The following TENM3 variants were observed in gnomAD, a reference collection of about 807,000 sequenced individuals.
The protein encoded by TENM3 is teneurin-3.
In TENM3, 63 loss-of-function variants were observed where a neutral mutation model predicts 255.1. The ratio of observed to expected loss-of-function variants is 0.25; its 90% CI spans 0.20 to 0.30. TENM3 has a LOEUF of 0.30. Among genes scored for constraint, TENM3 ranks in the 10% least tolerant of loss-of-function variants. The probability of loss-of-function intolerance (pLI) is 1.00; values close to 1 mark genes in which losing one functional copy is unlikely to be tolerated. For synonymous variants in TENM3, 1,306 were observed against 1,322.3 expected, an observed-to-expected ratio of 0.99 and a Z score of 0.27; for missense variants, 2,929 against 3,461.1, an observed-to-expected ratio of 0.85 and a Z score of 3.86.
At chr4:182,408,502 C>T (rs1769742920) in intron 3 of TENM3, among the ~76,000 whole-genome samples, 1 of 152,094 alleles carries the variant, frequency 6.6e-6, no homozygotes, top group Non-Finnish European at 1.5e-5. Flanking sequence ...ACAAAATGGG[C>T]CCCATCCCTG....
intron 1 of TENM3, among the ~76,000 whole-genome samples, chr4:182,279,010 C>A (rs928122800): frequency 1.3e-5 from 2 of 152,180 alleles, no homozygotes; most frequent in African/African-American, 4.8e-5. Flanking sequence ...CACACCAGGT[C>A]GGGGCAGGGG....
At chr4:181,767,417 A>G in the TENM3 span, among the ~76,000 whole-genome samples, 6 of 152,180 alleles carry the variant, frequency 3.9e-5, no homozygotes, top group Non-Finnish European at 8.8e-5. Context: ...TAAGGAATTT[A>G]TCATCAATCA....
intron 1 of TENM3, among the ~76,000 whole-genome samples, chr4:182,193,181 T>A (rs1024082516): frequency 3.3e-5 from 5 of 152,212 alleles, no homozygotes; most frequent in African/African-American, 1.2e-4. Flanking sequence ...TAGAAAAGTA[T>A]GTTTCATTGA....
the TENM3 span, among the ~76,000 whole-genome samples, chr4:182,037,635 T>A: frequency 6.6e-6 from 1 of 152,186 alleles, no homozygotes; most frequent in Admixed American, 6.5e-5. Flanking sequence ...TGAATTATGT[T>A]ATTTGTTTGT....
At chr4:182,471,627 CTGTG>C (rs35316767) in intron 3 of TENM3, among the ~76,000 whole-genome samples, 431 of 149,688 alleles carry the variant, frequency 2.9e-3, no homozygotes, top group Non-Finnish European at 4.1e-3. Flanking sequence ...GCACATGCCT[CTGTG>C]TGTGTGTGTG....
intron 1 of TENM3, among the ~76,000 whole-genome samples, chr4:182,164,996 G>A (rs568963058): frequency 1.3e-5 from 2 of 152,218 alleles, no homozygotes; most frequent in South Asian, 2.1e-4. Context: ...GAATCACCAG[G>A]GAGCTTGCAG....
At chr4:182,311,804 T>A (rs755554615) in intron 1 of TENM3, among the ~76,000 whole-genome samples, 3 of 152,212 alleles carry the variant, frequency 2.0e-5, no homozygotes, top group Non-Finnish European at 4.4e-5. Flanking sequence ...GAGCTCTTCA[T>A]TGAAGAAGCT....
chr4:182,743,090 T>C (rs1409991677), intron 18 of TENM3, 80 bp from the exon 19 acceptor site: 1 of 1,442,658 alleles, frequency 6.9e-7, no homozygotes, highest in African/African-American at 1.4e-5. Context: ...GAATTATAGT[T>C]AAAACAATCA....
At chr4:182,522,473 C>A (rs1318479086) in intron 3 of TENM3, among the ~76,000 whole-genome samples, 1 of 152,198 alleles carries the variant, frequency 6.6e-6, no homozygotes, top group African/African-American at 2.4e-5. Context: ...TCATTTCACA[C>A]AATGACCTCC....
At chr4:182,166,413 C>T (rs191670406) in intron 1 of TENM3, among the ~76,000 whole-genome samples, 2 of 152,290 alleles carry the variant, frequency 1.3e-5, no homozygotes, top group African/African-American at 4.8e-5. Context: ...GCACCTCAGT[C>T]ATGGCCATTC....
chr4:182,017,818 A>C, the TENM3 span, among the ~76,000 whole-genome samples: 1 of 152,216 alleles, frequency 6.6e-6, no homozygotes, highest in Non-Finnish European at 1.5e-5. Flanking sequence ...GCCCATGAAC[A>C]CATTCAGAGA....
At chr4:181,790,508 C>A in the TENM3 span, among the ~76,000 whole-genome samples, 1 of 151,962 alleles carries the variant, frequency 6.6e-6, no homozygotes, top group Admixed American at 6.6e-5. Context: ...GTCAAGAAGT[C>A]CAAGCTGCAA....
chr4:181,788,452 C>T, the TENM3 span, among the ~76,000 whole-genome samples: 1 of 152,098 alleles, frequency 6.6e-6, no homozygotes, highest in African/African-American at 2.4e-5. Flanking sequence ...AGATAGGTTC[C>T]CATTAATACT....
At chr4:181,775,363 A>G in the TENM3 span, among the ~76,000 whole-genome samples, 1 of 152,056 alleles carries the variant, frequency 6.6e-6, no homozygotes, top group Non-Finnish European at 1.5e-5. Flanking sequence ...TGGTGGTTCT[A>G]GGTTTCGTTT....
the TENM3 span, among the ~76,000 whole-genome samples, chr4:181,981,768 T>TA: frequency 6.6e-6 from 1 of 152,136 alleles, no homozygotes; most frequent in East Asian, 1.9e-4. Flanking sequence ...CACAAGAGAC[T>TA]ATAACAAGGA....
chr4:182,358,194 G>A (rs1231045733), intron 3 of TENM3, among the ~76,000 whole-genome samples: 16 of 149,910 alleles, frequency 1.1e-4, no homozygotes, highest in African/African-American at 3.7e-4. Flanking sequence ...TTGACTTGGC[G>A]ATGCGGGCTC....
intron 5 of TENM3, among the ~76,000 whole-genome samples, chr4:182,648,914 A>C (rs1184000606): frequency 1.3e-5 from 2 of 152,140 alleles, no homozygotes; most frequent in African/African-American, 4.8e-5. Context: ...TTCATTCCCT[A>C]ATGCTGCTGT....
At chr4:181,684,419 T>C in the TENM3 span, among the ~76,000 whole-genome samples, 1 of 152,192 alleles carries the variant, frequency 6.6e-6, no homozygotes, top group South Asian at 2.1e-4. Context: ...TGACTTTGAA[T>C]CTAATGTTTT....
chr4:181,884,380 G>A, the TENM3 span, among the ~76,000 whole-genome samples: 1 of 151,756 alleles, frequency 6.6e-6, no homozygotes, highest in South Asian at 2.1e-4. Context: ...TATTCACAAG[G>A]TTGTGTAAAT....
Sources: gnomAD v4.1 joint callset for allele counts (sites outside exome capture counted in the v4.1 genomes callset) on GRCh38, gnomAD v4.1.1 for gene constraint, MANE v1.5 for transcripts, NCBI Gene and HGNC (gene_info 2026-07-23, HGNC 2026-07-21) for gene names.